The following INO80E variants were observed in gnomAD, a reference collection of about 807,000 sequenced individuals.
INO80E encodes the protein INO80 complex subunit E, also known as coiled-coil domain containing 95.
INO80E carries 20 observed loss-of-function variants against 27.3 expected under a neutral mutation model. That is an observed-to-expected ratio of 0.73 (90% CI 0.51 to 1.06). The LOEUF (loss-of-function observed/expected upper bound fraction) is 1.06. INO80E is among the 50% of genes least tolerant of loss of function. INO80E has a pLI of 0.00. For synonymous variants in INO80E, 167 were observed against 145.9 expected (o/e 1.14, Z -1.04); for missense variants, 357 against 322.8 (o/e 1.11, Z -0.81).
In INO80E at chr16:30,005,324, C is replaced by CCCCCCCCCCCCCCCCA; in HGVS notation, c.617_618insCCCCCCCCCCCCCCCA (p.Lys207ProfsTer6). 1 of 1,281,872 alleles carries CCCCCCCCCCCCCCCCA rather than the reference C, an allele frequency of 7.8e-7. No homozygotes were observed. The highest frequency in any genetic ancestry group is 1.0e-6 in the Non-Finnish European group (1 of 988,516). The allele number at this position is 1,281,872 out of a possible 1,614,324, so 79.4% of individuals were successfully genotyped here. A position where few individuals can be genotyped will look rare whatever the true frequency, so the allele number is the denominator to read the frequency against. On this transcript the variant is annotated frameshift_variant, in exon 7 of 7. Transcript: ENST00000563197. LOFTEE classifies it high-confidence loss of function. ...ACAACCCTGACCCCCCTCCCACCCC[C>CCCCCCCCCCCCCCCCA]TAAGATGCCCCCCCCCACGATCCTG...
At chr16:30,001,176 G>T (rs947786687) in intron 5 of INO80E, 136 bp downstream of exon 5, 1 of 1,471,148 alleles carries the variant, frequency 6.8e-7, no homozygotes, top group Non-Finnish European at 9.0e-7. Context: ...CCCGTGGAGG[G>T]TGTGAGTCGG....
chr16:30,000,244 G>A (rs1034677636), intron 3 of INO80E, among the ~76,000 whole-genome samples: 3 of 152,128 alleles, frequency 2.0e-5, no homozygotes, highest in African/African-American at 4.8e-5. Flanking sequence ...GGAGGAACCA[G>A]AGCGGGCGGG....
chr16:29,997,056 G>T (rs2070150887), intron 3 of INO80E, among the ~76,000 whole-genome samples, 196 bp downstream of exon 3: 1 of 152,194 alleles, frequency 6.6e-6, no homozygotes, highest in Non-Finnish European at 1.5e-5. Flanking sequence ...CACTGTGCTT[G>T]GCACAGGGGA....
rs1384923810 is a variant in INO80E at position 30,001,026 on chromosome 16, C to G, written c.382C>G (p.Pro128Ala). Residue 128 changes from proline to alanine, a missense_variant, in exon 5 of 7, where the codon CCA becomes GCA. Transcript: ENST00000563197. ...CCTTCAGGCCTCCGGGGTCCCCTCC[C>G]CATACCTGAGCTCGGTGAGTTGGGG... Reference protein sequence around the residue: ...FPLQASGVPSPYLSSLASSRY... With the variant: ...FPLQASGVPSAYLSSLASSRY... 1 of 1,547,472 alleles carries G rather than the reference C, an allele frequency of 6.5e-7. No homozygotes were observed. Among genetic ancestry groups the G allele is most frequent in the South Asian group, 1.2e-5 (1 of 81,886 alleles).
Position 29,996,335 on chromosome 16 carries a change from G to T in INO80E, c.25G>T (p.Val9Leu). Reference sequence around the variant, plus strand: ...CATGAACGGGCCGGCGGACGGCGAAGTGGACTACAAAAAAAAATACCGGAA... The same window carrying T: ...CATGAACGGGCCGGCGGACGGCGAATTGGACTACAAAAAAAAATACCGGAA... The part of the protein sequence containing the change: MNGPADGE[V>L]DYKKKYRNLK... Residue 9 changes from valine (V) to leucine (L), a missense_variant, in exon 1 of 7, where the codon GTG becomes TTG. By Grantham distance (32) the Val-to-Leu change is conservative. Coordinates refer to ENST00000563197, the MANE Select transcript of INO80E (RefSeq NM_173618.3). 6.3e-7 allele frequency: 1 copy of T among 1,597,638 alleles called. No individual in the cohort carries two copies. Among genetic ancestry groups the T allele is most frequent in the Non-Finnish European group, 8.5e-7 (1 of 1,172,292 alleles).
At chr16:29,999,841 G>T (rs1310714400) in intron 3 of INO80E, among the ~76,000 whole-genome samples, 1 of 152,160 alleles carries the variant, frequency 6.6e-6, no homozygotes, top group Non-Finnish European at 1.5e-5. Context: ...TCTGGGGTTG[G>T]GGGTGGACAG....
Position 30,003,433 on chromosome 16 carries a change from C to T in INO80E, c.514-1788C>T, listed in dbSNP as rs1035452905. 2.0e-5 allele frequency: 3 copies of T among 152,032 alleles called. No homozygotes were observed. 9.4% of individuals were successfully genotyped at this position (152,032 alleles called of 1,614,324 possible). A position where few individuals can be genotyped will look rare whatever the true frequency, so the allele number is the denominator to read the frequency against. On this transcript the variant is annotated intron_variant, in intron 6 of 6. Transcript: ENST00000563197. This position sits in a 1 kb window ranked among gnomAD's most constrained non-coding sequence, Gnocchi z 4.4. The stretch of plus-strand genomic sequence containing the variant: ...GAAGTGGGAATTTGTCTGTTACTGT[C>T]AGGGGAGCGGGAGTCCCTGAAGGGC...
At chr16:29,996,474 G>A (rs2070118081) in intron 1 of INO80E, 73 bp from the exon 2 acceptor site, 2 of 1,550,296 alleles carry the variant, frequency 1.3e-6, no homozygotes, top group African/African-American at 2.7e-5. Flanking sequence ...AAGTGGGTGG[G>A]GCGAGCGGCC....
Position 30,005,749 on chromosome 16 carries a change from G to A in INO80E, c.*307G>A, listed in dbSNP as rs2070559275. On this transcript the variant is annotated 3_prime_UTR_variant, in exon 7 of 7. Transcript: ENST00000563197. ...TTAAAAGGGCAGCTGTACAGGGCTAGGTTTTTTCAATGAAGTTTCTGTATT... is the reference window on the plus strand; with the variant it reads ...TTAAAAGGGCAGCTGTACAGGGCTAAGTTTTTTCAATGAAGTTTCTGTATT... The A allele has an allele frequency of 2.0e-6, 1 of 492,114 alleles. No homozygotes were observed. The highest frequency in any genetic ancestry group is 3.6e-6 in the Non-Finnish European group (1 of 278,740). 30.5% of individuals were successfully genotyped at this position (492,114 alleles called of 1,614,324 possible). A position where few individuals can be genotyped will look rare whatever the true frequency, so the allele number is the denominator to read the frequency against.
At chr16:30,000,671 T>C in intron 3 of INO80E, 87 bp from the exon 4 acceptor site, 1 of 1,081,884 alleles carries the variant, frequency 9.2e-7, no homozygotes, top group South Asian at 1.4e-5. Context: ...GGTCTTCCAG[T>C]GCCCTTCTGT....
intron 6 of INO80E, chr16:30,001,864 G>A (rs537168858): frequency 2.8e-5 from 8 of 284,808 alleles, no homozygotes; most frequent in Non-Finnish European, 5.3e-5. Flanking sequence ...ATGGGATCTA[G>A]AGTCAAGTCA....
At chr16:29,997,522 G>A (rs1422850847) in intron 3 of INO80E, among the ~76,000 whole-genome samples, 2 of 151,950 alleles carry the variant, frequency 1.3e-5, no homozygotes, top group African/African-American at 2.4e-5. Flanking sequence ...TTGGGAGGCC[G>A]AGGTGGGCGG....
intron 6 of INO80E, 48 bp from the exon 7 acceptor site, chr16:30,005,173 C>T (rs755498613): frequency 6.3e-6 from 9 of 1,429,962 alleles, no homozygotes; most frequent in Non-Finnish European, 8.2e-6. Context: ...TCCTGAGGCC[C>T]CAGTGCCTCC....
Position 30,005,490 on chromosome 16 carries a change from C to A in INO80E, c.*48C>A. 6.6e-7 allele frequency: 1 copy of A among 1,520,618 alleles called. No individual in the cohort carries two copies. The highest frequency in any genetic ancestry group is 8.9e-7 in the Non-Finnish European group (1 of 1,119,136). 94.2% of individuals were successfully genotyped at this position (1,520,618 alleles called of 1,614,324 possible). ...CCACGGCCCCGCCCGGCGCCCTCCC[C>A]GTGCCAGCACACACGAGTCCAGCTT... On this transcript the variant is annotated 3_prime_UTR_variant, in exon 7 of 7. Transcript: ENST00000563197.
rs1281527438 is a variant in INO80E, at chr16:30,005,368, A to G, written c.661A>G (p.Met221Val). 1.5e-6 allele frequency: 2 copies of G among 1,338,302 alleles called. No homozygotes were observed. The highest frequency in any genetic ancestry group is 2.0e-6 in the Non-Finnish European group (2 of 1,016,758). 82.9% of individuals were successfully genotyped at this position (1,338,302 alleles called of 1,614,324 possible). ...PTILSTVPRQ[M>V]FSDAGSGDDA... ...GATCCTGAGCACGGTCCCTCGGCAG[A>G]TGTTCAGCGATGCAGGTAGCGGGGA... The change falls in exon 7 of 7, where the codon ATG (methionine) becomes GTG (valine). Residue 221 changes from methionine (M) to valine (V), a missense_variant. Transcript: ENST00000563197.
chr16:30,005,308 A>AACCCCCCCCCCC lies in INO80E; in HGVS notation c.601_602insACCCCCCCCCCC (p.Thr201delinsAsnProProProPro). The AACCCCCCCCCCC allele has an allele frequency of 1.9e-6, 1 of 521,332 alleles. No homozygotes were observed. The highest frequency in any genetic ancestry group is 3.0e-6 in the Non-Finnish European group (1 of 335,732). 32.3% of individuals were successfully genotyped at this position (521,332 alleles called of 1,614,324 possible). On this transcript the variant is annotated protein_altering_variant, in exon 7 of 7. Transcript: ENST00000563197. ...TGGGGCTGGGGTCGGGACAACCCTG[A>AACCCCCCCCCCC]CCCCCCTCCCACCCCCTAAGATGCC... is the stretch of plus-strand genomic sequence containing the variant.
Position 30,005,324 on chromosome 16 carries a change from C to T in INO80E, c.617C>T (p.Pro206Leu). 4 of 1,281,872 alleles carry T rather than the reference C, an allele frequency of 3.1e-6. No homozygotes were observed. The highest frequency in any genetic ancestry group is 2.0e-6 in the Non-Finnish European group (2 of 988,516). 79.4% of individuals were successfully genotyped at this position (1,281,872 alleles called of 1,614,324 possible). Residue 206 changes from proline (P) to leucine (L), a missense_variant, in exon 7 of 7, where the codon CCT becomes CTT. Pro to Leu is a moderately conservative substitution (Grantham distance 98, BLOSUM62 -3). Transcript: ENST00000563197. ...ACAACCCTGACCCCCCTCCCACCCC[C>T]TAAGATGCCCCCCCCCACGATCCTG... ...VGTTLTPLPP[P>L]KMPPPTILST... is the part of the protein sequence containing the mutation.
chr16:30,001,842 C>T (rs1190282415), intron 6 of INO80E: 19 of 361,292 alleles, frequency 5.3e-5, no homozygotes, highest in African/African-American at 1.5e-4. Flanking sequence ...AGCCCCAGAC[C>T]GGGTCAGGAT....
intron 2 of INO80E, 24 bp downstream of exon 2, chr16:29,996,641 G>A: frequency 6.3e-7 from 1 of 1,581,280 alleles, no homozygotes; most frequent in Non-Finnish European, 8.6e-7. Flanking sequence ...CAGGGGCGGA[G>A]GGCGATGTGC....
Sources: gnomAD v4.1 joint callset for allele counts (sites outside exome capture counted in the v4.1 genomes callset) on GRCh38, gnomAD v4.1.1 for gene constraint, Gnocchi (gnomAD v3.1) non-coding constraint, MANE v1.5 for transcripts, NCBI Gene and HGNC (gene_info 2026-07-23, HGNC 2026-07-21) for gene names.